MAST4: variants seen among roughly 807,000 people sequenced by gnomAD.
MAST4 encodes microtubule associated serine/threonine kinase family member 4.
Under a neutral mutation model 162.7 loss-of-function variants are expected in MAST4, and 89 were observed. That is an observed-to-expected ratio of 0.55 (90% confidence interval 0.46 to 0.65). The LOEUF is 0.65. MAST4 is among the 30% of genes least tolerant of loss of function. MAST4 has a pLI of 0.00. For synonymous variants in MAST4, 1,479 were observed against 1,361.1 expected (o/e 1.09, Z -1.91); for missense variants, 3,153 against 3,374.0 (o/e 0.93, Z 1.62).
chr5:66,637,586 A>G (rs1745207869), intron 1 of MAST4, among the ~76,000 whole-genome samples: 1 of 152,126 alleles, frequency 6.6e-6, no homozygotes, highest in Admixed American at 6.5e-5. Context: ...CTTCCTATCA[A>G]AGTTAGAAAT....
chr5:66,603,685 A>G (rs781032259), intron 1 of MAST4, among the ~76,000 whole-genome samples: 5 of 152,250 alleles, frequency 3.3e-5, no homozygotes, highest in Admixed American at 1.3e-4. Context: ...TCCTTGGAAC[A>G]GTATAAACAT....
chr5:67,076,771 G>A (rs1361827303), intron 5 of MAST4, among the ~76,000 whole-genome samples: 2 of 152,114 alleles, frequency 1.3e-5, no homozygotes, highest in African/African-American at 2.4e-5. Context: ...TTTACCTAAT[G>A]TAAAACATTT....
rs1754854675 is a variant in MAST4, at chr5:66,781,202, A to G, written c.518-7468A>G. On this transcript the variant is annotated intron_variant, in intron 2 of 28. Coordinates refer to ENST00000403625, the MANE Select transcript of MAST4 (RefSeq NM_001164664.2). ...GCCCCTACTTTTACTTCCTTTGTGGATTTACCCAGAAGTGAGATTAAGCAA... is the reference window on the plus strand; with the variant it reads ...GCCCCTACTTTTACTTCCTTTGTGGGTTTACCCAGAAGTGAGATTAAGCAA... Among the ~76,000 whole-genome samples, 5 of 152,234 alleles carry G rather than the reference A, an allele frequency of 3.3e-5. No homozygotes were observed. The South Asian group carries it at 1.0e-3, about 32-fold the overall frequency.
In MAST4 at chr5:67,121,027, C is replaced by T. The variant is rs780108693; in HGVS notation, c.1670C>T (p.Ala557Val). The stretch of plus-strand genomic sequence containing the variant: ...TATTTTGTTTCCAAGAGCTCTAATG[C>T]CTCCCTGAAACTTCGAAGGAAACCT... ...ETDESVSSSN[A>V]SLKLRRKPRE... Residue 557 changes from alanine to valine, a missense_variant, in exon 14 of 29, where the codon GCC becomes GTC. Ala to Val is a moderately conservative substitution (Grantham distance 64). Transcript: ENST00000403625. 1 of 1,609,628 alleles carries T rather than the reference C, an allele frequency of 6.2e-7. No homozygotes were observed. The highest frequency in any genetic ancestry group is 8.5e-7 in the Non-Finnish European group (1 of 1,177,688).
chr5:66,795,832 C>T (rs1270651185), intron 3 of MAST4, among the ~76,000 whole-genome samples: 2 of 152,156 alleles, frequency 1.3e-5, no homozygotes, highest in Admixed American at 6.5e-5. Context: ...CATTATTCCA[C>T]AGCTCAGAAT....
intron 3 of MAST4, among the ~76,000 whole-genome samples, chr5:66,857,681 C>A (rs1342984294): frequency 6.6e-6 from 1 of 152,128 alleles, no homozygotes; most frequent in Non-Finnish European, 1.5e-5. Flanking sequence ...TTTTGGGTTT[C>A]ATCTATTCTA....
At chr5:66,728,367 G>A (rs1170624862) in intron 1 of MAST4, among the ~76,000 whole-genome samples, 1 of 152,142 alleles carries the variant, frequency 6.6e-6, no homozygotes, top group Non-Finnish European at 1.5e-5. Flanking sequence ...CATCCAAGTT[G>A]AGATGGTTCC....
chr5:67,074,024 C>T (rs138075741), intron 5 of MAST4, among the ~76,000 whole-genome samples: 78 of 151,692 alleles, frequency 5.1e-4, no homozygotes, highest in African/African-American at 1.8e-3. Flanking sequence ...AACTAATACA[C>T]TAACAAATAA....
Position 67,169,427 on chromosome 5 carries a change from G to C in MAST4, c.*2376G>C, listed in dbSNP as rs1180611290. On this transcript the variant is annotated 3_prime_UTR_variant, in exon 29 of 29. Transcript: ENST00000403625. ...GATGTGCTCCTTGGTAGTACTCCCA[G>C]CTGTAGATTTACCAGCTTAAAAGTT... 5 of 152,160 alleles carry C rather than the reference G, an allele frequency of 3.3e-5. No individual in the cohort carries two copies. Among genetic ancestry groups the C allele is most frequent in the African/African-American group, 1.2e-4 (5 of 41,434 alleles). The allele number at this position is 152,160 out of a possible 1,614,324, so 9.4% of individuals were successfully genotyped here. A position where few individuals can be genotyped will look rare whatever the true frequency, so the allele number is the denominator to read the frequency against.
rs544454021 is a variant in MAST4, at chr5:66,709,223, G to C, written c.364-50486G>C. On this transcript the variant is annotated intron_variant, in intron 1 of 28. Transcript: ENST00000403625. Reference sequence around the variant, plus strand: ...TTTGCTATTGCTGATACTTTGCTTTGTTTGAAATTAAAAAAAAAATTCTGA... The same window carrying C: ...TTTGCTATTGCTGATACTTTGCTTTCTTTGAAATTAAAAAAAAAATTCTGA... Among the ~76,000 whole-genome samples, 21 of 151,962 alleles carry C rather than the reference G, an allele frequency of 1.4e-4. No individual in the cohort carries two copies. In the South Asian group the frequency reaches 2.7e-3, roughly 20 times the overall value.
intron 11 of MAST4, among the ~76,000 whole-genome samples, chr5:67,111,449 G>T (rs146513041): frequency 6.6e-6 from 1 of 152,124 alleles, no homozygotes; most frequent in African/African-American, 2.4e-5. Flanking sequence ...GGAGGTGTAG[G>T]GAAGGGCTTT....
chr5:66,750,646 C>T (rs981799794), intron 1 of MAST4, among the ~76,000 whole-genome samples: 13 of 152,212 alleles, frequency 8.5e-5, no homozygotes, highest in South Asian at 2.1e-4. Context: ...GAGGGTCCTA[C>T]GCCCACGGAG....
rs139490923 is a variant in MAST4 at position 67,161,025 on chromosome 5, G to A, written c.3785+433G>A. The stretch of plus-strand genomic sequence containing the variant: ...AATTACTGTTACCTTTAAAGGTTCC[G>A]AATAAGCCTAGAAATAAAAGGGCTT... On this transcript the variant is annotated intron_variant, in intron 27 of 28. Coordinates refer to ENST00000403625, the MANE Select transcript of MAST4 (RefSeq NM_001164664.2). 1.7e-3 allele frequency among the ~76,000 whole-genome samples: 252 copies of A among 152,262 alleles called. 3 individuals carry two copies. Among genetic ancestry groups the A allele is most frequent in the East Asian group, 1.9e-3 (10 of 5,178 alleles).
rs933942315 is a variant in MAST4 at position 66,907,252 on chromosome 5, C to T, written c.674+7270C>T. Among the ~76,000 whole-genome samples the T allele has an allele frequency of 9.6e-5, 14 of 145,258 alleles. 1 individual carries two copies. The Admixed American group carries it at 9.7e-4, about 10-fold the overall frequency. ...ACTTCACAGATAGAATCCCAGGTCA[C>T]CACACAGGAACAGAAGAGGCCAGGC... On this transcript the variant is annotated intron_variant, in intron 4 of 28. Transcript: ENST00000403625.
chr5:67,113,209 G>T (rs1766458900), intron 11 of MAST4, among the ~76,000 whole-genome samples: 1 of 151,816 alleles, frequency 6.6e-6, no homozygotes, highest in African/African-American at 2.4e-5. Context: ...AGCTACTAGG[G>T]GGGCTGAGGC....
rs942885370 is a variant in MAST4 at position 66,807,272 on chromosome 5, G to A, written c.642+18478G>A. Among the ~76,000 whole-genome samples the A allele has an allele frequency of 3.2e-4, 48 of 152,140 alleles. 1 individual carries two copies. The highest frequency in any genetic ancestry group is 5.6e-4 in the Non-Finnish European group (38 of 68,024). On this transcript the variant is annotated intron_variant, in intron 3 of 28. Transcript: ENST00000403625. ...AGCACTTTGGGAGGCCGAGGCGGGTGGATCATGAGGTCAGGAGATCGAGAC... is the reference window on the plus strand; with the variant it reads ...AGCACTTTGGGAGGCCGAGGCGGGTAGATCATGAGGTCAGGAGATCGAGAC...
chr5:67,036,568 T>C (rs1561559836), intron 4 of MAST4, among the ~76,000 whole-genome samples: 1 of 152,188 alleles, frequency 6.6e-6, no homozygotes, highest in Admixed American at 6.5e-5. Context: ...TAAGATGACA[T>C]AGTATTTGTA....
chr5:66,917,606 T>TTCC (rs1554068100), intron 4 of MAST4, among the ~76,000 whole-genome samples: 2 of 149,628 alleles, frequency 1.3e-5, no homozygotes, highest in Non-Finnish European at 3.0e-5. Flanking sequence ...TTTTTTTTTT[T>TTCC]TCCCTAGATG....
At chr5:66,803,790 C>A (rs1756038847) in intron 3 of MAST4, among the ~76,000 whole-genome samples, 1 of 152,028 alleles carries the variant, frequency 6.6e-6, no homozygotes, top group Non-Finnish European at 1.5e-5. Flanking sequence ...CTTTTCCAAT[C>A]TTTGTAGCTA....
Sources: allele counts gnomAD v4.1 joint callset (sites outside exome capture counted in the v4.1 genomes callset), GRCh38; gene constraint gnomAD v4.1.1; transcripts MANE v1.5; gene names NCBI Gene and HGNC (gene_info 2026-07-23, HGNC 2026-07-21).